TENM3: variants seen among roughly 807,000 people sequenced by gnomAD.
The protein encoded by TENM3 is teneurin-3.
Under a neutral mutation model 255.1 loss-of-function variants are expected in TENM3, and 63 were observed. The observed-to-expected ratio is 0.25, with a 90% CI of 0.20 to 0.30. The LOEUF (loss-of-function observed/expected upper bound fraction) is 0.30, where lower values mean the gene tolerates loss of function less well. Ranked by LOEUF, TENM3 falls within the 10% of genes least tolerant of loss-of-function variation. The pLI, the probability that TENM3 is intolerant of heterozygous loss-of-function variation, is 1.00. For synonymous variants in TENM3, 1,306 were observed against 1,322.3 expected, an observed-to-expected ratio of 0.99 and a Z score of 0.27; for missense variants, 2,929 against 3,461.1, an observed-to-expected ratio of 0.85 and a Z score of 3.86.
chr4:182,020,574 GAA>G, the TENM3 span, among the ~76,000 whole-genome samples: 2 of 152,072 alleles, frequency 1.3e-5, no homozygotes, highest in Non-Finnish European at 2.9e-5. Context: ...AAAGAAATGA[GAA>G]AGATTTGAGA....
chr4:181,508,976 G>C, the TENM3 span, among the ~76,000 whole-genome samples: 1 of 133,212 alleles, frequency 7.5e-6, no homozygotes, highest in Middle Eastern at 4.9e-3. Context: ...TGAGCAGCAC[G>C]TACAGGCAAT....
intron 3 of TENM3, among the ~76,000 whole-genome samples, chr4:182,524,469 T>C (rs972180408): frequency 2.0e-5 from 3 of 150,062 alleles, no homozygotes; most frequent in Non-Finnish European, 3.0e-5. Context: ...TCAAGCAATC[T>C]TTCTCAAGCC....
chr4:181,569,055 C>T, the TENM3 span, among the ~76,000 whole-genome samples: 1 of 152,098 alleles, frequency 6.6e-6, no homozygotes. Flanking sequence ...AGGTTTTTGC[C>T]AGTGCAGTGG....
intron 3 of TENM3, among the ~76,000 whole-genome samples, chr4:182,460,653 A>G (rs570264120): frequency 6.8e-4 from 103 of 152,328 alleles, no homozygotes; most frequent in Non-Finnish European, 1.2e-3. Flanking sequence ...AGTCTGTGAC[A>G]TTATTTCATA....
chr4:182,422,916 TGCGGAGCTC>T (rs1435980542), intron 3 of TENM3, among the ~76,000 whole-genome samples: 3 of 152,166 alleles, frequency 2.0e-5, no homozygotes. Flanking sequence ...AAGTCTAAGT[TGCGGAGCTC>T]ACGGAGCTCG....
intron 25 of TENM3, among the ~76,000 whole-genome samples, chr4:182,790,072 A>G (rs551706586): frequency 6.6e-6 from 1 of 152,340 alleles, no homozygotes; most frequent in East Asian, 1.9e-4. Context: ...AAATGAAAGT[A>G]AAAGAAAGGG....
chr4:182,373,348 A>AGGCT (rs1290771678), intron 3 of TENM3, among the ~76,000 whole-genome samples: 1 of 152,144 alleles, frequency 6.6e-6, no homozygotes, highest in Non-Finnish European at 1.5e-5. Flanking sequence ...GAAGTACCTG[A>AGGCT]GGCTGGGTAA....
intron 5 of TENM3, among the ~76,000 whole-genome samples, chr4:182,650,791 G>A (rs192774642): frequency 7.1e-4 from 97 of 137,146 alleles, no homozygotes; most frequent in African/African-American, 2.3e-3. Context: ...TTTCAATGCA[G>A]TATTAAAGAG....
chr4:182,193,684 A>T (rs1411167267), intron 1 of TENM3, among the ~76,000 whole-genome samples: 2 of 152,230 alleles, frequency 1.3e-5, no homozygotes, highest in East Asian at 3.9e-4. Flanking sequence ...TTTTTGGCTG[A>T]CCTATTTGGG....
the TENM3 span, among the ~76,000 whole-genome samples, chr4:181,807,953 G>T: frequency 6.6e-6 from 1 of 152,156 alleles, no homozygotes; most frequent in African/African-American, 2.4e-5. Flanking sequence ...TGGCTAACAA[G>T]ATACAAAGGG....
At chr4:182,449,268 G>A (rs1773252617) in intron 3 of TENM3, among the ~76,000 whole-genome samples, 1 of 26,696 alleles carries the variant, frequency 3.7e-5, no homozygotes, top group African/African-American at 1.2e-4. Context: ...ATGGGAGGAG[G>A]CTCGGCGCGG....
At chr4:181,586,054 CA>C in the TENM3 span, among the ~76,000 whole-genome samples, 2 of 152,122 alleles carry the variant, frequency 1.3e-5, no homozygotes, top group African/African-American at 2.4e-5. Context: ...TAGAACTTAC[CA>C]AAAAAACTTT....
chr4:181,798,433 C>T, the TENM3 span, among the ~76,000 whole-genome samples: 1 of 152,234 alleles, frequency 6.6e-6, no homozygotes, highest in South Asian at 2.1e-4. Flanking sequence ...CTCAGACTCC[C>T]TAGTGGCTGG....
the TENM3 span, among the ~76,000 whole-genome samples, chr4:181,765,619 A>C: frequency 6.6e-6 from 1 of 152,196 alleles, no homozygotes; most frequent in African/African-American, 2.4e-5. Flanking sequence ...AGCTACTTTC[A>C]AGTCAAATCA....
intron 3 of TENM3, among the ~76,000 whole-genome samples, chr4:182,566,512 A>G (rs1244044991): frequency 6.6e-6 from 1 of 152,252 alleles, no homozygotes. Context: ...ATGATTGAAT[A>G]TGAAAATCAA....
intron 3 of TENM3, among the ~76,000 whole-genome samples, chr4:182,432,124 C>T (rs1421534314): frequency 3.3e-5 from 5 of 150,072 alleles, no homozygotes; most frequent in African/African-American, 7.3e-5. Context: ...AAAGTAAGAG[C>T]CAGGGGAATA....
the TENM3 span, among the ~76,000 whole-genome samples, chr4:182,047,320 T>C: frequency 6.6e-6 from 1 of 151,986 alleles, no homozygotes; most frequent in Non-Finnish European, 1.5e-5. Flanking sequence ...TCCCAGCACT[T>C]TGGGAGGCCG....
At chr4:181,721,822 C>T in the TENM3 span, among the ~76,000 whole-genome samples, 1,289 of 151,746 alleles carry the variant, frequency 8.5e-3, 5 homozygotes, top group Non-Finnish European at 0.012. Context: ...TGTAGCCTCT[C>T]GGCTTAGACT....
At chr4:181,875,728 C>A in the TENM3 span, among the ~76,000 whole-genome samples, 1 of 152,216 alleles carries the variant, frequency 6.6e-6, no homozygotes, top group East Asian at 1.9e-4. Context: ...GGACAGAGGC[C>A]ATAAAGTATT....
Sources: gnomAD v4.1 joint callset for allele counts (sites outside exome capture counted in the v4.1 genomes callset) on GRCh38, gnomAD v4.1.1 for gene constraint, MANE v1.5 for transcripts, NCBI Gene and HGNC (gene_info 2026-07-23, HGNC 2026-07-21) for gene names.